BDNF: variants seen among roughly 807,000 people sequenced by gnomAD.
The protein encoded by BDNF is neurotrophic factor BDNF precursor form.
A neutral mutation model predicts 19.5 loss-of-function variants in BDNF; 1 was observed. The observed-to-expected ratio is 0.05, with a 90% CI of 0.02 to 0.24. The LOEUF is 0.24. Ranked by LOEUF, BDNF falls within the 10% of genes least tolerant of loss-of-function variation. The pLI is 1.00. For missense variants in BDNF, 195 were observed against 317.6 expected, an observed-to-expected ratio of 0.61 and a Z score of 2.93; for synonymous variants, 100 against 121.6, an observed-to-expected ratio of 0.82 and a Z score of 1.17.
rs760902255 is a variant in BDNF, at chr11:27,658,490, G to A, written c.75C>T (p.Asn25=). The change falls in exon 2 of 2, where the codon AAC becomes AAT. Residue 25 remains asparagine (N), a synonymous_variant. Transcript: ENST00000356660. The surrounding 1 kb of genome is among the most constrained non-coding windows in gnomAD (Gnocchi z 5.7). Reference sequence around the variant, plus strand: ...AGGCCAAGCCACCTTGTCCTCGGATGTTTGCTTCTTTCATGGGGGCAGCCT... The same window carrying A: ...AGGCCAAGCCACCTTGTCCTCGGATATTTGCTTCTTTCATGGGGGCAGCCT... ...CMKAAPMKEA[N]IRGQGGLAYP... 67 of 1,614,040 alleles carry A rather than the reference G, an allele frequency of 4.2e-5. No homozygotes were observed. Among genetic ancestry groups the A allele is most frequent in the Non-Finnish European group, 2.0e-5 (24 of 1,180,046 alleles).
At chr11:27,700,684 C>CA, upstream of BDNF, 1 of 1,156,756 alleles carries the variant, frequency 8.6e-7, no homozygotes, top group Non-Finnish European at 1.1e-6. Flanking sequence ...ACCTCCTCCC[C>CA]TAGGGCCCCG....
intron 1 of BDNF, among the ~76,000 whole-genome samples, chr11:27,696,045 A>G (rs1408177734): frequency 2.0e-5 from 3 of 152,162 alleles, no homozygotes; most frequent in Admixed American, 2.0e-4. Flanking sequence ...ATGTCAGTAC[A>G]TTAGTGAGCT....
At chr11:27,717,572 A>G (rs1313488687) in intron 1 of BDNF, among the ~76,000 whole-genome samples, 1 of 152,220 alleles carries the variant, frequency 6.6e-6, no homozygotes, top group African/African-American at 2.4e-5. Flanking sequence ...AAAATCTCAC[A>G]TACAGAAATA....
intron 1 of BDNF, among the ~76,000 whole-genome samples, chr11:27,710,923 A>G (rs1365415163): frequency 6.6e-6 from 1 of 152,252 alleles, no homozygotes; most frequent in Non-Finnish European, 1.5e-5. Context: ...CTAAAGTGGA[A>G]GGAAGAACAT....
intron 1 of BDNF, among the ~76,000 whole-genome samples, chr11:27,719,937 A>C (rs1860685934): frequency 6.6e-6 from 1 of 151,994 alleles, no homozygotes; most frequent in African/African-American, 2.4e-5. Flanking sequence ...CCACCGCCTG[A>C]TTCTAAATGC....
Position 27,656,782 on chromosome 11 carries a change from T to C in BDNF, c.*1039A>G. 1 of 985,360 alleles carries C rather than the reference T, an allele frequency of 1.0e-6. No homozygotes were observed. Among genetic ancestry groups the C allele is most frequent in the Non-Finnish European group, 1.2e-6 (1 of 829,906 alleles). The allele number at this position is 985,360 out of a possible 1,614,324, so 61.0% of individuals were successfully genotyped here. A position where few individuals can be genotyped will look rare whatever the true frequency, so the allele number is the denominator to read the frequency against. Reference sequence around the variant, plus strand: ...CTCCTCATAAAAAATAATCTTCATTTTGGGGTTATTTTTTGTTGTTTTCTG... The same window carrying C: ...CTCCTCATAAAAAATAATCTTCATTCTGGGGTTATTTTTTGTTGTTTTCTG... On this transcript the variant is annotated 3_prime_UTR_variant, in exon 2 of 2. Transcript: ENST00000356660.
chr11:27,711,035 T>A (rs1477654901), intron 1 of BDNF, among the ~76,000 whole-genome samples: 1 of 152,136 alleles, frequency 6.6e-6, no homozygotes, highest in African/African-American at 2.4e-5. Context: ...ATAATTATAA[T>A]AATAAAAGCT....
At chr11:27,674,216 C>T (rs1342770334) in intron 1 of BDNF, 1 of 1,600,356 alleles carries the variant, frequency 6.2e-7, no homozygotes, top group South Asian at 1.1e-5. Flanking sequence ...TCTGTAGAAA[C>T]TCAGCATTCT....
At chr11:27,718,946 G>A (rs1483417363) in intron 1 of BDNF, among the ~76,000 whole-genome samples, 2 of 152,122 alleles carry the variant, frequency 1.3e-5, no homozygotes, top group Non-Finnish European at 2.9e-5. Flanking sequence ...CAAACCCTGG[G>A]GCGAAAACTG....
upstream of BDNF, among the ~76,000 whole-genome samples, chr11:27,705,389 A>G (rs1380663038): frequency 1.3e-5 from 2 of 152,324 alleles, no homozygotes; most frequent in South Asian, 4.1e-4. Flanking sequence ...TTTGAGACTC[A>G]CCTATTTAGG....
At chr11:27,690,142 AT>A (rs1353333358) in intron 1 of BDNF, among the ~76,000 whole-genome samples, 1 of 152,234 alleles carries the variant, frequency 6.6e-6, no homozygotes, top group Non-Finnish European at 1.5e-5. Flanking sequence ...CTGTATTAAT[AT>A]TCAACCATTT....
chr11:27,678,500 A>G (rs1290239329), intron 1 of BDNF, among the ~76,000 whole-genome samples: 1 of 152,244 alleles, frequency 6.6e-6, no homozygotes, highest in Admixed American at 6.5e-5. Context: ...CTGCCATTGC[A>G]TACACTGCAA....
Position 27,657,212 on chromosome 11 carries a change from ACTC to A in BDNF, c.*606_*608del. 1.0e-6 allele frequency: 1 copy of A among 984,138 alleles called. No individual in the cohort carries two copies. The highest frequency in any genetic ancestry group is 1.2e-6 in the Non-Finnish European group (1 of 828,496). 61.0% of individuals were successfully genotyped at this position (984,138 alleles called of 1,614,324 possible). A position where few individuals can be genotyped will look rare whatever the true frequency, so the allele number is the denominator to read the frequency against. ...TTGTAGGAATTCTTTCCCCATCTCT[ACTC>A]CCTGTGGGAACTAAAAAACAAAACA... On this transcript the variant is annotated 3_prime_UTR_variant, in exon 2 of 2. Coordinates refer to ENST00000356660, the MANE Select transcript of BDNF (RefSeq NM_001709.5). The surrounding 1 kb of genome is among the most constrained non-coding windows in gnomAD (Gnocchi z 5.0).
chr11:27,669,301 T>A (rs926742472), intron 1 of BDNF, among the ~76,000 whole-genome samples: 3 of 152,182 alleles, frequency 2.0e-5, no homozygotes, highest in African/African-American at 7.2e-5. Context: ...GCCAATGTCA[T>A]ACTGAATGGG....
intron 1 of BDNF, among the ~76,000 whole-genome samples, chr11:27,716,234 A>T (rs965427967): frequency 6.6e-6 from 1 of 152,108 alleles, no homozygotes; most frequent in Non-Finnish European, 1.5e-5. Flanking sequence ...AAGGGGAAAA[A>T]TTTTTTTGTT....
rs945510399 is a variant in BDNF at position 27,657,831 on chromosome 11, C to G, written c.734G>C (p.Arg245Thr). The change falls in exon 2 of 2, where the codon AGG becomes ACG. Residue 245 changes from arginine (R) to threonine (T), a missense_variant. Coordinates refer to ENST00000356660, the MANE Select transcript of BDNF (RefSeq NM_001709.5). The surrounding 1 kb of genome is among the most constrained non-coding windows in gnomAD (Gnocchi z 5.0). ...TSCVCTLTIK[R>T]GR ...TACAACATAAATCCACTATCTTCCC[C>G]TTTTAATGGTCAATGTACATACACA... 2 of 1,613,820 alleles carry G rather than the reference C, an allele frequency of 1.2e-6. No homozygotes were observed. The highest frequency in any genetic ancestry group is 2.2e-5 in the South Asian group (2 of 91,072).
chr11:27,717,833 G>C (rs377272996), intron 1 of BDNF, among the ~76,000 whole-genome samples: 112 of 151,262 alleles, frequency 7.4e-4, no homozygotes, highest in African/African-American at 2.6e-3. Flanking sequence ...CAACAGTTTA[G>C]GTGAAACCAT....
intron 1 of BDNF, chr11:27,720,509 G>A (rs560250970): frequency 5.0e-5 from 49 of 985,792 alleles, no homozygotes; most frequent in Middle Eastern, 1.0e-3. Context: ...ACCAAACTGG[G>A]GCTCGCTTTC....
At chr11:27,668,776 A>G (rs1564954332) in intron 1 of BDNF, among the ~76,000 whole-genome samples, 1 of 152,208 alleles carries the variant, frequency 6.6e-6, no homozygotes, top group African/African-American at 2.4e-5. Context: ...TTAATAGCCT[A>G]CCAACCAAAA....
Sources: gnomAD v4.1 joint callset for allele counts (sites outside exome capture counted in the v4.1 genomes callset) on GRCh38, gnomAD v4.1.1 for gene constraint, Gnocchi (gnomAD v3.1) non-coding constraint, MANE v1.5 for transcripts, NCBI Gene and HGNC (gene_info 2026-07-23, HGNC 2026-07-21) for gene names.